COL19A1: variants seen among roughly 807,000 people sequenced by gnomAD.
COL19A1 encodes the protein collagen type XIX alpha 1 chain.
In COL19A1, 159 loss-of-function variants were observed where a neutral mutation model predicts 190.2. The observed-to-expected ratio is 0.84, with a 90% confidence interval of 0.73 to 0.95. The LOEUF (loss-of-function observed/expected upper bound fraction) is 0.95. Ranked by LOEUF, COL19A1 falls within the 40% of genes least tolerant of loss-of-function variation. The pLI is 0.00. For missense variants in COL19A1, 1,418 were observed against 1,431.9 expected (o/e 0.99, Z 0.16); for synonymous variants, 509 against 458.9 (o/e 1.11, Z -1.39).
At position 70,159,855 on chromosome 6, in the gene COL19A1, T is replaced by C. The variant is rs1787684328; in HGVS notation, c.2293-2045T>C. ...TGGCAATCCAGAAAGAATATTTTAC[T>C]CAGTAAAGGAGACTAAATCCTGAAA... On this transcript the variant is annotated intron_variant, in intron 34 of 50. Coordinates refer to ENST00000620364, the MANE Select transcript of COL19A1 (RefSeq NM_001858.6). 2.0e-5 allele frequency among the ~76,000 whole-genome samples: 3 copies of C among 152,154 alleles called. No homozygotes were observed. In the South Asian group the frequency reaches 6.2e-4, roughly 32 times the overall value.
intron 4 of COL19A1, among the ~76,000 whole-genome samples, chr6:69,925,509 T>A (rs1400053688): frequency 2.0e-5 from 3 of 152,196 alleles, no homozygotes; most frequent in Non-Finnish European, 2.9e-5. Flanking sequence ...TAGTTTGAAG[T>A]CAGGTAGTGT....
At chr6:69,927,782 G>A in intron 4 of COL19A1, 127 bp from the exon 5 acceptor site, 1 of 1,212,440 alleles carries the variant, frequency 8.2e-7, no homozygotes, top group Non-Finnish European at 1.1e-6. Context: ...AGAGAAAAGT[G>A]CATAAGTTAC....
intron 4 of COL19A1, among the ~76,000 whole-genome samples, chr6:69,905,319 A>C (rs890905549): frequency 6.6e-6 from 1 of 152,210 alleles, no homozygotes; most frequent in African/African-American, 2.4e-5. Context: ...TCTCAACAGC[A>C]GCTTACACAC....
intron 49 of COL19A1, 196 bp downstream of exon 49, chr6:70,199,932 C>T (rs774017700): frequency 3.9e-6 from 2 of 514,770 alleles, no homozygotes; most frequent in Non-Finnish European, 6.9e-6. Context: ...AGATGTTTAA[C>T]TATTACTACT....
chr6:70,019,203 A>G (rs111865181), intron 11 of COL19A1, among the ~76,000 whole-genome samples: 2,966 of 152,212 alleles, frequency 0.019, 76 homozygotes, highest in African/African-American at 0.065. Context: ...AGTTATTGAT[A>G]TCCTCTGAGC....
At chr6:69,890,465 C>T (rs1349644919) in intron 2 of COL19A1, 2 of 152,202 alleles carry the variant, frequency 1.3e-5, no homozygotes, top group African/African-American at 4.8e-5. Context: ...TCTCTCAATT[C>T]CTTCCCATGA....
At chr6:70,176,844 G>A (rs1765841428) in intron 42 of COL19A1, among the ~76,000 whole-genome samples, 1 of 152,126 alleles carries the variant, frequency 6.6e-6, no homozygotes, top group South Asian at 2.1e-4. Context: ...TAATTTATGA[G>A]CACAGCTTTG....
At chr6:70,177,880 TAAATTAAGCTTATCTTCTAGGAAA>T (rs1397714089) in intron 42 of COL19A1, among the ~76,000 whole-genome samples, 1 of 152,218 alleles carries the variant, frequency 6.6e-6, no homozygotes, top group Non-Finnish European at 1.5e-5. Context: ...GCTATTACCC[TAAATTAAGCTTATCTTCTAGGAAA>T]AAATACTGGC....
intron 16 of COL19A1, among the ~76,000 whole-genome samples, chr6:70,117,775 A>C (rs1198232458): frequency 2.0e-5 from 3 of 152,236 alleles, no homozygotes; most frequent in African/African-American, 7.2e-5. Flanking sequence ...ATACAAATAG[A>C]GTGAAGCAAA....
intron 16 of COL19A1, among the ~76,000 whole-genome samples, chr6:70,114,784 C>T (rs1310144440): frequency 6.6e-6 from 1 of 152,076 alleles, no homozygotes; most frequent in Middle Eastern, 3.2e-3. Context: ...AGAATGTTGG[C>T]CTAAATATAT....
intron 9 of COL19A1, among the ~76,000 whole-genome samples, chr6:69,949,395 A>G (rs879852808): frequency 2.0e-4 from 31 of 151,852 alleles, no homozygotes; most frequent in Middle Eastern, 3.2e-3. Context: ...TGCCGCCTCA[A>G]TAGTGTTTTC....
chr6:70,135,005 A>T (rs1785758602), intron 18 of COL19A1, among the ~76,000 whole-genome samples: 1 of 152,180 alleles, frequency 6.6e-6, no homozygotes, highest in Admixed American at 6.5e-5. Context: ...ACTGGCTATA[A>T]ATCGGGGTCC....
chr6:70,161,919 G>A lies in COL19A1; in HGVS notation c.2312G>A (p.Gly771Asp). 1 of 1,607,382 alleles carries A rather than the reference G, an allele frequency of 6.2e-7. No individual in the cohort carries two copies. The highest frequency in any genetic ancestry group is 8.5e-7 in the Non-Finnish European group (1 of 1,176,822). Residue 771 changes from glycine (G) to aspartate (D), a missense_variant, in exon 35 of 51, where the codon GGC becomes GAC. Physicochemically the swap from Gly to Asp is moderately conservative, Grantham distance 94. Transcript: ENST00000620364. ...TTCCAGGGTCTTCAAGGAATTCCAGGCATTCCAGGTGCTCCAGGCCCGACT... is the reference window on the plus strand; with the variant it reads ...TTCCAGGGTCTTCAAGGAATTCCAGACATTCCAGGTGCTCCAGGCCCGACT... Reference protein sequence around the residue: ...KGDEGLQGIPGIPGAPGPTGP... With the variant: ...KGDEGLQGIPDIPGAPGPTGP...
At chr6:70,182,872 G>C (rs985658908) in intron 44 of COL19A1, among the ~76,000 whole-genome samples, 1 of 152,144 alleles carries the variant, frequency 6.6e-6, no homozygotes, top group Non-Finnish European at 1.5e-5. Flanking sequence ...ACTCACAAGT[G>C]GGAATTGGTC....
intron 4 of COL19A1, among the ~76,000 whole-genome samples, chr6:69,927,365 A>T (rs1412984127): frequency 6.6e-6 from 1 of 152,216 alleles, no homozygotes; most frequent in Non-Finnish European, 1.5e-5. Context: ...TGACAATAGC[A>T]CAAAGCAAGA....
At chr6:69,937,046 G>A (rs1288237116) in intron 8 of COL19A1, 136 bp downstream of exon 8, 18 of 1,247,018 alleles carry the variant, frequency 1.4e-5, no homozygotes, top group Non-Finnish European at 1.8e-5. Context: ...TACTGGGGTG[G>A]GTTAAGAAAA....
chr6:70,183,753 C>T (rs116799953), intron 44 of COL19A1, among the ~76,000 whole-genome samples: 228 of 152,278 alleles, frequency 1.5e-3, no homozygotes, highest in African/African-American at 4.9e-3. Flanking sequence ...AGTGAAAACA[C>T]GCAGTTCTTT....
chr6:70,029,321 C>G (rs1466878980), intron 12 of COL19A1, among the ~76,000 whole-genome samples: 2 of 152,094 alleles, frequency 1.3e-5, no homozygotes, highest in Non-Finnish European at 2.9e-5. Flanking sequence ...ATTTTATAGT[C>G]TACCCGCTTT....
intron 12 of COL19A1, among the ~76,000 whole-genome samples, chr6:70,027,672 G>A (rs1460146742): frequency 2.0e-5 from 3 of 151,970 alleles, no homozygotes; most frequent in Non-Finnish European, 4.4e-5. Context: ...TTTAAATAAT[G>A]CATACAAAAC....
Sources: gnomAD v4.1 joint callset for allele counts (sites outside exome capture counted in the v4.1 genomes callset) on GRCh38, gnomAD v4.1.1 for gene constraint, MANE v1.5 for transcripts, NCBI Gene and HGNC (gene_info 2026-07-23, HGNC 2026-07-21) for gene names.